KCNT2: variants seen among roughly 807,000 people sequenced by gnomAD.
KCNT2 encodes potassium sodium-activated channel subfamily T member 2.
Under a neutral mutation model 153.8 loss-of-function variants are expected in KCNT2, and 67 were observed. The ratio of observed to expected loss-of-function variants is 0.44; its 90% CI spans 0.36 to 0.53. The LOEUF is 0.53. KCNT2 is among the 20% of genes least tolerant of loss of function. The probability of loss-of-function intolerance (pLI) is 0.00; values close to 1 mark genes in which losing one functional copy is unlikely to be tolerated. For missense variants in KCNT2, 975 were observed against 1,354.8 expected, an observed-to-expected ratio of 0.72 and a Z score of 4.40; for synonymous variants, 500 against 458.8, an observed-to-expected ratio of 1.09 and a Z score of -1.15.
intron 14 of KCNT2, among the ~76,000 whole-genome samples, chr1:196,367,246 G>A (rs1246786322): frequency 3.9e-5 from 6 of 152,080 alleles, no homozygotes; most frequent in Non-Finnish European, 2.9e-5. Flanking sequence ...AAATCATGTA[G>A]TAACTATACC....
intron 27 of KCNT2, among the ~76,000 whole-genome samples, chr1:196,233,141 A>T (rs1181027287): frequency 6.6e-6 from 1 of 151,542 alleles, no homozygotes; most frequent in East Asian, 1.9e-4. Flanking sequence ...ATCCAAGTGC[A>T]TCATAAATAA....
At chr1:196,309,940 G>T (rs952512599) in intron 21 of KCNT2, among the ~76,000 whole-genome samples, 1 of 151,842 alleles carries the variant, frequency 6.6e-6, no homozygotes, top group Non-Finnish European at 1.5e-5. Flanking sequence ...TTCTGACTCA[G>T]TGATGTAAAT....
chr1:196,305,148 T>G, intron 22 of KCNT2, 86 bp downstream of exon 22: 1 of 787,712 alleles, frequency 1.3e-6, no homozygotes. Context: ...TTTTACTATC[T>G]CATGGCATTT....
rs1340559326 is a variant in KCNT2 at position 196,436,870 on chromosome 1, T to C, written c.639-7113A>G. Among the ~76,000 whole-genome samples the C allele has an allele frequency of 2.7e-5, 4 of 148,670 alleles. No homozygotes were observed. In the East Asian group the frequency reaches 8.1e-4, roughly 30 times the overall value. ...CAAGTTAAACAATTTAAATTATATA[T>C]TACATTAAAAGTGGCAAAAGAATTT... is the stretch of plus-strand genomic sequence containing the variant. On this transcript the variant is annotated intron_variant, in intron 8 of 27. Coordinates refer to ENST00000294725, the MANE Select transcript of KCNT2 (RefSeq NM_198503.5).
chr1:196,553,201 T>G (rs1038045831), intron 1 of KCNT2, among the ~76,000 whole-genome samples: 13 of 150,958 alleles, frequency 8.6e-5, no homozygotes, highest in Admixed American at 6.6e-4. Context: ...AATAATAAGA[T>G]AGAAAAATAT....
intron 25 of KCNT2, chr1:196,273,493 CACA>C: frequency 1.3e-6 from 2 of 1,529,766 alleles, no homozygotes; most frequent in Non-Finnish European, 1.8e-6. Context: ...TCGAGACTGA[CACA>C]ACGGGAGGGA....
intron 1 of KCNT2, among the ~76,000 whole-genome samples, chr1:196,598,666 T>C (rs1196246496): frequency 1.3e-5 from 2 of 152,242 alleles, no homozygotes; most frequent in Non-Finnish European, 2.9e-5. Context: ...GTTGTAAACA[T>C]AGTGAATAGG....
intron 1 of KCNT2, among the ~76,000 whole-genome samples, chr1:196,578,077 G>A (rs1468677438): frequency 6.6e-6 from 1 of 151,974 alleles, no homozygotes; most frequent in Non-Finnish European, 1.5e-5. Context: ...TATACTTTCT[G>A]CTGTAGTAGC....
intron 1 of KCNT2, among the ~76,000 whole-genome samples, chr1:196,505,153 C>G (rs540868374): frequency 1.3e-5 from 2 of 152,028 alleles, no homozygotes. Context: ...ACATGAAGTC[C>G]TTGCTCCTGC....
chr1:196,425,900 A>G lies in KCNT2; in HGVS notation c.1073T>C (p.Ile358Thr). ...TTTAAGGGCTGAACCTTGAAGGTAG[A>G]TAACTCGTTGGGACCACATTGGAAT... ...LQIPMWSQRV[I>T]YLQGSALKDQ... is the part of the protein sequence containing the mutation. The change falls in exon 11 of 28, where the codon ATC (isoleucine) becomes ACC (threonine). Residue 358 changes from isoleucine to threonine, a missense_variant. Ile to Thr is a moderately conservative substitution (Grantham distance 89, BLOSUM62 -1). Around this residue, in one of 6 missense-constraint regions of KCNT2, gnomAD observed 202 missense variants for 314.9 expected, o/e 0.64. Coordinates refer to ENST00000294725, the MANE Select transcript of KCNT2 (RefSeq NM_198503.5). 1 of 1,612,654 alleles carries G rather than the reference A, an allele frequency of 6.2e-7. No homozygotes were observed. Among genetic ancestry groups the G allele is most frequent in the Non-Finnish European group, 8.5e-7 (1 of 1,179,066 alleles).
At chr1:196,505,469 C>T (rs546863576) in intron 1 of KCNT2, among the ~76,000 whole-genome samples, 1,704 of 150,746 alleles carry the variant, frequency 0.011, 32 homozygotes, top group African/African-American at 0.039. Context: ...CAGTACCATG[C>T]TGTTTTGGTT....
At chr1:196,425,236 G>A (rs1673551311) in intron 11 of KCNT2, among the ~76,000 whole-genome samples, 1 of 151,916 alleles carries the variant, frequency 6.6e-6, no homozygotes, top group Non-Finnish European at 1.5e-5. Flanking sequence ...GGTAACTTGT[G>A]ACAAATGTTT....
intron 19 of KCNT2, among the ~76,000 whole-genome samples, chr1:196,325,340 T>C (rs1663736814): frequency 6.6e-6 from 1 of 152,102 alleles, no homozygotes; most frequent in Non-Finnish European, 1.5e-5. Context: ...ATACAACATA[T>C]AGCTACTCTA....
chr1:196,474,085 A>G (rs1393251601), intron 5 of KCNT2, among the ~76,000 whole-genome samples: 1 of 152,104 alleles, frequency 6.6e-6, no homozygotes, highest in African/African-American at 2.4e-5. Flanking sequence ...TCTCAATCCA[A>G]TTAGTCTACA....
At chr1:196,357,440 T>C (rs1667263619) in intron 14 of KCNT2, among the ~76,000 whole-genome samples, 1 of 152,018 alleles carries the variant, frequency 6.6e-6, no homozygotes, top group African/African-American at 2.4e-5. Flanking sequence ...AAAAAACAGA[T>C]GCATTCCATT....
At position 196,405,551 on chromosome 1, in the gene KCNT2, G is replaced by A. The variant is rs376467000; in HGVS notation, c.1186-6880C>T. Among the ~76,000 whole-genome samples, 6 of 151,456 alleles carry A rather than the reference G, an allele frequency of 4.0e-5. No individual in the cohort carries two copies. In the East Asian group the frequency reaches 9.8e-4, roughly 25 times the overall value. On this transcript the variant is annotated intron_variant, in intron 12 of 27. Transcript: ENST00000294725. ...ACTGAAATCCAAATAACCCATTAAAGAACTCAGACATTTTAGATGAAATTT... is the reference window on the plus strand; with the variant it reads ...ACTGAAATCCAAATAACCCATTAAAAAACTCAGACATTTTAGATGAAATTT...
chr1:196,290,755 A>G (rs1571926271), intron 22 of KCNT2, among the ~76,000 whole-genome samples: 1 of 152,140 alleles, frequency 6.6e-6, no homozygotes, highest in East Asian at 1.9e-4. Flanking sequence ...TATTCACCCT[A>G]ACAGTCCTAG....
chr1:196,477,595 C>CA (rs144574789), intron 5 of KCNT2, among the ~76,000 whole-genome samples: 6 of 149,836 alleles, frequency 4.0e-5, no homozygotes, highest in African/African-American at 7.4e-5. Flanking sequence ...CCTCCCCCTC[C>CA]AAAAAAAAAG....
chr1:196,247,503 G>T (rs999184472), intron 26 of KCNT2, among the ~76,000 whole-genome samples: 3 of 152,140 alleles, frequency 2.0e-5, no homozygotes, highest in Admixed American at 2.0e-4. Context: ...CTGAGACTGG[G>T]TAATGTATAA....
Sources: gnomAD v4.1 joint callset for allele counts (sites outside exome capture counted in the v4.1 genomes callset) on GRCh38, gnomAD v4.1.1 for gene constraint, gnomAD v4.1.1 regional missense constraint, MANE v1.5 for transcripts, NCBI Gene and HGNC (gene_info 2026-07-23, HGNC 2026-07-21) for gene names.